The following NEAT1 variants were observed in gnomAD, a reference collection of about 807,000 sequenced individuals.
NEAT1 encodes the protein MENepsilon/beta.
At position 65,430,886 on chromosome 11, in the gene NEAT1, T is replaced by G. The variant is rs945301215; in HGVS notation, n.8089T>G. 4 of 152,242 alleles carry G rather than the reference T, an allele frequency of 2.6e-5. No individual in the cohort carries two copies. The East Asian group carries it at 7.7e-4, about 29-fold the overall frequency. The allele number at this position is 152,242 out of a possible 1,614,324, so 9.4% of individuals were successfully genotyped here. ...ATTTATTTCTTGCTACTTTAAGAAA[T>G]TTTTGTGGTGAAATACATATAATAG... On this transcript the variant is annotated non_coding_transcript_exon_variant, in exon 1 of 1. Transcript: ENST00000501122.
chr11:65,432,149 A>G (rs570635884), exon 1 of NEAT1: 1 of 152,206 alleles, frequency 6.6e-6, no homozygotes. Flanking sequence ...TCTTTTTAGT[A>G]TAATGATTTA....
At chr11:65,437,576 C>T (rs1856673080) in exon 1 of NEAT1, 1 of 152,140 alleles carries the variant, frequency 6.6e-6, no homozygotes, top group African/African-American at 2.4e-5. Context: ...TTCCAGAATT[C>T]TCCTGGCTAT....
At chr11:65,431,567 C>G (rs1055018007) in exon 1 of NEAT1, 30 of 152,184 alleles carry the variant, frequency 2.0e-4, no homozygotes, top group Non-Finnish European at 3.2e-4. Context: ...CTCCCCAACA[C>G]TTGTTATTTT....
chr11:65,437,163 G>T, exon 1 of NEAT1: 1 of 142,166 alleles, frequency 7.0e-6, no homozygotes, highest in Admixed American at 7.0e-5. Flanking sequence ...AAGTTTTATT[G>T]TAATATTTTG....
chr11:65,425,725 T>G (rs1003621938), exon 1 of NEAT1: 1 of 152,154 alleles, frequency 6.6e-6, no homozygotes, highest in Non-Finnish European at 1.5e-5. Flanking sequence ...CAAGGGAATT[T>G]AGTATGTAAA....
chr11:65,434,395 C>T (rs1184568061), exon 1 of NEAT1: 3 of 152,132 alleles, frequency 2.0e-5, no homozygotes, highest in Non-Finnish European at 2.9e-5. Context: ...ATCTGAAAAA[C>T]GTGTTGCATG....
chr11:65,423,768 C>G (rs570654302), exon 1 of NEAT1: 1 of 152,208 alleles, frequency 6.6e-6, no homozygotes, highest in African/African-American at 2.4e-5. Context: ...GGACAGTAAG[C>G]CGAGTGGCTG....
At chr11:65,426,779 C>G (rs1856566335) in exon 1 of NEAT1, 1 of 152,160 alleles carries the variant, frequency 6.6e-6, no homozygotes, top group Non-Finnish European at 1.5e-5. Flanking sequence ...GTGATGAAAC[C>G]ACTCAAGCCA....
exon 1 of NEAT1, chr11:65,429,922 G>A (rs674485): frequency 0.65 from 98,373 of 152,078 alleles, 33,466 homozygotes; most frequent in Non-Finnish European, 0.75. Context: ...GAGGGTGGTT[G>A]TCACAGTGGC....
chr11:65,434,839 C>A (rs149432336), exon 1 of NEAT1: 2 of 152,272 alleles, frequency 1.3e-5, no homozygotes, highest in African/African-American at 2.4e-5. Flanking sequence ...TAAGTTTCTG[C>A]TAGTTGCCAT....
At chr11:65,439,265 A>G (rs1404670667) in exon 1 of NEAT1, 1 of 152,106 alleles carries the variant, frequency 6.6e-6, no homozygotes, top group Admixed American at 6.6e-5. Flanking sequence ...AGAGTTCTTT[A>G]TATATTCTGG....
exon 1 of NEAT1, chr11:65,442,139 T>C (rs1209084843): frequency 6.6e-6 from 1 of 152,040 alleles, no homozygotes; most frequent in African/African-American, 2.4e-5. Context: ...TTTTTTTTTT[T>C]TTTAATGGTC....
At chr11:65,429,796 G>A (rs879680578) in exon 1 of NEAT1, 4 of 151,994 alleles carry the variant, frequency 2.6e-5, no homozygotes, top group Non-Finnish European at 4.4e-5. Flanking sequence ...GTATGGTTTC[G>A]TTTTTTACAT....
exon 1 of NEAT1, chr11:65,431,560 C>T (rs927635369): frequency 6.6e-6 from 1 of 152,170 alleles, no homozygotes; most frequent in Non-Finnish European, 1.5e-5. Context: ...CCACATCCTC[C>T]CCAACACTTG....
At chr11:65,433,983 T>G (rs1856635912) in exon 1 of NEAT1, 1 of 152,180 alleles carries the variant, frequency 6.6e-6, no homozygotes, top group Non-Finnish European at 1.5e-5. Context: ...TAAATGTGTT[T>G]TTCAGAGTAT....
At chr11:65,431,767 TATC>T (rs1856615674) in exon 1 of NEAT1, 1 of 152,340 alleles carries the variant, frequency 6.6e-6, no homozygotes, top group Non-Finnish European at 1.5e-5. Context: ...TTATTAGAGT[TATC>T]GTTGTTGTTG....
At chr11:65,433,196 G>C (rs938955335) in exon 1 of NEAT1, 1 of 152,106 alleles carries the variant, frequency 6.6e-6, no homozygotes, top group South Asian at 2.1e-4. Flanking sequence ...CCTTTGGGTA[G>C]ATACCCAGGA....
exon 1 of NEAT1, chr11:65,430,995 T>G (rs1856609434): frequency 6.6e-6 from 1 of 152,194 alleles, no homozygotes; most frequent in Non-Finnish European, 1.5e-5. Context: ...TCTCCAGAAC[T>G]TTTTCATCTT....
At chr11:65,434,539 ATGTC>A (rs1856640850) in exon 1 of NEAT1, 1 of 152,130 alleles carries the variant, frequency 6.6e-6, no homozygotes, top group Non-Finnish European at 1.5e-5. Flanking sequence ...TCTGCACTGT[ATGTC>A]TGTGAGTTTA....
Sources: gnomAD v4.1 joint callset for allele counts on GRCh38, gnomAD v4.1.1 for gene constraint, MANE v1.5 for transcripts, NCBI Gene and HGNC (gene_info 2026-07-23, HGNC 2026-07-21) for gene names.